The following NPAS3 variants were observed in gnomAD, a reference collection of about 807,000 sequenced individuals.
NPAS3 encodes neuronal PAS domain protein 3.
A neutral mutation model predicts 73.1 loss-of-function variants in NPAS3; 14 were observed. The observed-to-expected ratio is 0.19, with a 90% CI of 0.13 to 0.30. NPAS3 has a LOEUF of 0.30. Ranked by LOEUF, NPAS3 falls within the 10% of genes least tolerant of loss-of-function variation. NPAS3 has a pLI of 1.00. For synonymous variants in NPAS3, 620 were observed against 541.5 expected (o/e 1.14, Z -2.01); for missense variants, 1,096 against 1,250.0 (o/e 0.88, Z 1.86).
intron 6 of NPAS3, among the ~76,000 whole-genome samples, chr14:33,726,017 G>T (rs1440294272): frequency 6.6e-6 from 1 of 151,836 alleles, no homozygotes; most frequent in Non-Finnish European, 1.5e-5. Context: ...CATTTCAAAG[G>T]CTCACCTCTC....
intron 2 of NPAS3, among the ~76,000 whole-genome samples, chr14:33,103,141 G>A: frequency 6.6e-6 from 1 of 152,128 alleles, no homozygotes; most frequent in East Asian, 1.9e-4. Context: ...TAAAGTATTG[G>A]GAATATGGTG....
intron 1 of NPAS3, among the ~76,000 whole-genome samples, chr14:33,052,797 T>C (rs1204219965): frequency 1.3e-5 from 2 of 152,204 alleles, no homozygotes; most frequent in Non-Finnish European, 2.9e-5. Flanking sequence ...TCTATAATTT[T>C]GAATTTCTTT....
chr14:33,508,959 T>G, intron 4 of NPAS3, among the ~76,000 whole-genome samples: 1 of 152,086 alleles, frequency 6.6e-6, no homozygotes, highest in East Asian at 2.0e-4. Flanking sequence ...GTTCATGCTC[T>G]AAGAGTGATT....
chr14:33,609,539 C>CAA (rs34088851), intron 5 of NPAS3, among the ~76,000 whole-genome samples: 17 of 144,058 alleles, frequency 1.2e-4, no homozygotes, highest in African/African-American at 2.8e-4. Context: ...GTTCCCCACT[C>CAA]AAAAAAAAAA....
At chr14:33,786,991 A>C (rs549218176) in intron 9 of NPAS3, among the ~76,000 whole-genome samples, 1 of 152,132 alleles carries the variant, frequency 6.6e-6, no homozygotes, top group Non-Finnish European at 1.5e-5. Context: ...TCCTAGCCTT[A>C]ATTTTTTTAA....
At chr14:33,030,935 A>G (rs766888565) in intron 1 of NPAS3, among the ~76,000 whole-genome samples, 2 of 152,080 alleles carry the variant, frequency 1.3e-5, no homozygotes, top group Admixed American at 6.5e-5. Flanking sequence ...GCACACCCCC[A>G]CACACACTTG....
In NPAS3 at chr14:33,394,105, G is replaced by A. The variant is rs967319318; in HGVS notation, c.468+26837G>A. On this transcript the variant is annotated intron_variant, in intron 4 of 11. Transcript: ENST00000356141. ...GTCTATGGTAATGTGATGCCCTGAT[G>A]GATGGGAAAGGTTTTGTCTGTGAAT... Among the ~76,000 whole-genome samples the A allele has an allele frequency of 2.6e-5, 4 of 152,238 alleles. No individual in the cohort carries two copies. In the South Asian group the frequency reaches 8.3e-4, roughly 32 times the overall value.
At chr14:33,400,009 A>G (rs1566867929) in intron 4 of NPAS3, among the ~76,000 whole-genome samples, 8 of 152,124 alleles carry the variant, frequency 5.3e-5, no homozygotes, top group African/African-American at 1.9e-4. Context: ...ACTAGCTGCT[A>G]TTATAATAAT....
intron 4 of NPAS3, among the ~76,000 whole-genome samples, chr14:33,488,689 CTATGAGT>C (rs2051735786): frequency 6.6e-6 from 1 of 152,118 alleles, no homozygotes; most frequent in African/African-American, 2.4e-5. Context: ...CCTGTTATGC[CTATGAGT>C]TGGATGTTAG....
chr14:33,496,833 T>C (rs1430496300), intron 4 of NPAS3, among the ~76,000 whole-genome samples: 1 of 152,090 alleles, frequency 6.6e-6, no homozygotes, highest in African/African-American at 2.4e-5. Flanking sequence ...CAACATAGTA[T>C]TGGAAGTTCT....
At chr14:33,216,603 T>C (rs568391159) in intron 3 of NPAS3, among the ~76,000 whole-genome samples, 1 of 152,338 alleles carries the variant, frequency 6.6e-6, no homozygotes, top group Non-Finnish European at 1.5e-5. Flanking sequence ...TAAAGGGCCA[T>C]GTAGTAAATA....
In NPAS3 at chr14:33,205,814, C is replaced by T. The variant is rs1014596158; in HGVS notation, c.141-9368C>T. Among the ~76,000 whole-genome samples, 7 of 152,182 alleles carry T rather than the reference C, an allele frequency of 4.6e-5. No individual in the cohort carries two copies. In the East Asian group the frequency reaches 1.2e-3, roughly 25 times the overall value. ...TTAAACTTGTCAAAGCACGCTTTCT[C>T]CCTTCCAAATGTGTTATATCAAGCT... On this transcript the variant is annotated intron_variant, in intron 2 of 11. Transcript: ENST00000356141.
chr14:33,603,651 T>C (rs1249371214), intron 5 of NPAS3, among the ~76,000 whole-genome samples: 1 of 152,118 alleles, frequency 6.6e-6, no homozygotes, highest in African/African-American at 2.4e-5. Context: ...GGGAAATATA[T>C]TGAAAACACT....
intron 2 of NPAS3, among the ~76,000 whole-genome samples, chr14:33,119,833 G>T (rs574607960): frequency 5.3e-5 from 8 of 152,232 alleles, no homozygotes; most frequent in African/African-American, 1.7e-4. Flanking sequence ...CTTACGGATG[G>T]TTCTGCTCTA....
chr14:33,297,115 G>A (rs1044655872), intron 3 of NPAS3, among the ~76,000 whole-genome samples: 4 of 152,066 alleles, frequency 2.6e-5, no homozygotes, highest in Admixed American at 6.6e-5. Context: ...AGAATGGAGC[G>A]ATACTGCCTA....
At chr14:33,202,952 A>G (rs1358572365) in intron 2 of NPAS3, among the ~76,000 whole-genome samples, 1 of 152,230 alleles carries the variant, frequency 6.6e-6, no homozygotes, top group Admixed American at 6.5e-5. Flanking sequence ...TCTTTTTCTG[A>G]CATATAAATA....
intron 2 of NPAS3, among the ~76,000 whole-genome samples, chr14:33,126,323 G>A (rs2043424973): frequency 6.6e-6 from 1 of 152,174 alleles, no homozygotes; most frequent in South Asian, 2.1e-4. Context: ...TCTACTGCCT[G>A]CTGGACAGGC....
intron 3 of NPAS3, among the ~76,000 whole-genome samples, chr14:33,271,495 A>G (rs1482604410): frequency 6.6e-6 from 1 of 152,092 alleles, no homozygotes; most frequent in Non-Finnish European, 1.5e-5. Flanking sequence ...GGTCAGAAAG[A>G]GTCCTTTGCT....
intron 2 of NPAS3, among the ~76,000 whole-genome samples, chr14:33,113,573 A>G (rs1026964968): frequency 2.0e-5 from 3 of 152,018 alleles, no homozygotes; most frequent in African/African-American, 4.8e-5. Flanking sequence ...TTGGGCTGAG[A>G]CAATAGGGTT....
Sources: allele counts gnomAD v4.1 joint callset (sites outside exome capture counted in the v4.1 genomes callset), GRCh38; gene constraint gnomAD v4.1.1; transcripts MANE v1.5; gene names NCBI Gene and HGNC (gene_info 2026-07-23, HGNC 2026-07-21).